Variants in NCOR1 observed in about 807,000 individuals in gnomAD.
NCOR1 encodes the protein nuclear receptor corepressor 1.
Under a neutral mutation model 288.1 loss-of-function variants are expected in NCOR1, and 63 were observed. That is an observed-to-expected ratio of 0.22 (90% CI 0.18 to 0.27). NCOR1 has a LOEUF of 0.27. NCOR1 is among the 10% of genes least tolerant of loss of function. The pLI, the probability that NCOR1 is intolerant of heterozygous loss-of-function variation, is 1.00. For synonymous variants in NCOR1, 1,007 were observed against 1,065.9 expected (o/e 0.94, Z 1.08); for missense variants, 2,397 against 3,019.2 (o/e 0.79, Z 4.83).
At chr17:16,184,332 C>G (rs1403544972) in intron 3 of NCOR1, among the ~76,000 whole-genome samples, 2 of 152,102 alleles carry the variant, frequency 1.3e-5, no homozygotes, top group African/African-American at 4.8e-5. Flanking sequence ...GAATTAATAT[C>G]CAGAATTTAT....
intron 26 of NCOR1, among the ~76,000 whole-genome samples, chr17:16,077,234 T>A (rs2062599135): frequency 6.6e-6 from 1 of 151,154 alleles, no homozygotes; most frequent in Non-Finnish European, 1.5e-5. Context: ...CCATCTCTAC[T>A]AAAAATACAA....
intron 5 of NCOR1, among the ~76,000 whole-genome samples, chr17:16,163,100 G>C (rs868391523): frequency 2.0e-4 from 31 of 152,196 alleles, no homozygotes; most frequent in Non-Finnish European, 1.5e-4. Context: ...GTATAAATCT[G>C]TGACCGCGAA....
rs116433575 is a variant in NCOR1 at position 16,144,452 on chromosome 17, A to G, written c.1083-756T>C. Among the ~76,000 whole-genome samples, 1,479 of 152,194 alleles carry G rather than the reference A, an allele frequency of 9.7e-3. 30 individuals are homozygous for G. The highest frequency in any genetic ancestry group is 0.033 in the African/African-American group (1,377 of 41,548). The stretch of plus-strand genomic sequence containing the variant: ...TTCTTTTCAACATAAAAGTTCTTTT[A>G]ACTTTTAAGTTAGTGGGTACATGTG... On this transcript the variant is annotated intron_variant, in intron 10 of 45. Transcript: ENST00000268712.
At chr17:16,063,949 T>A in intron 35 of NCOR1, 119 bp downstream of exon 35, 4 of 1,355,474 alleles carry the variant, frequency 3.0e-6, no homozygotes, top group Non-Finnish European at 4.0e-6. Flanking sequence ...TTGGGGCCTG[T>A]AATAACGTTG....
chr17:16,140,245 T>C (rs1028971031), intron 11 of NCOR1, among the ~76,000 whole-genome samples: 4 of 152,230 alleles, frequency 2.6e-5, no homozygotes, highest in African/African-American at 9.6e-5. Context: ...CTCGTCATTG[T>C]AGAAATAATG....
intron 21 of NCOR1, among the ~76,000 whole-genome samples, chr17:16,097,623 C>G (rs929545018): frequency 6.6e-6 from 1 of 152,206 alleles, no homozygotes; most frequent in South Asian, 2.1e-4. Flanking sequence ...GCTCCACACC[C>G]CTTCTGCACA....
Position 16,146,395 on chromosome 17 carries a change from G to A in NCOR1, c.1063C>T (p.Gln355Ter). The A allele has an allele frequency of 1.2e-6, 2 of 1,607,976 alleles. No individual in the cohort carries two copies. Among genetic ancestry groups the A allele is most frequent in the South Asian group, 1.1e-5 (1 of 88,956 alleles). ...ACTCACCGCTGAAATCTTTCTTGCT[G>A]TTCTCTTTGTTTTCGAATTTCTGGA... ...QFPEIRKQRE[Q>*]QERFQRVGQR... is the part of the protein sequence containing the mutation. The change falls in exon 10 of 46, where the codon CAG (glutamine) becomes TAG (stop). Residue 355 changes from glutamine (Q) to a stop codon, truncating the protein, a stop_gained. Coordinates refer to ENST00000268712, the MANE Select transcript of NCOR1 (RefSeq NM_006311.4). LOFTEE classifies it high-confidence loss of function.
intron 40 of NCOR1, among the ~76,000 whole-genome samples, chr17:16,052,917 A>C (rs2059485407): frequency 6.6e-6 from 1 of 152,262 alleles, no homozygotes; most frequent in African/African-American, 2.4e-5. Flanking sequence ...AGTAGATGTT[A>C]TCCCTAGGAT....
At position 16,087,164 on chromosome 17, in the gene NCOR1, A is replaced by G. The variant is rs771225059; in HGVS notation, c.3017-722T>C. On this transcript the variant is annotated intron_variant, in intron 22 of 45. Coordinates refer to ENST00000268712, the MANE Select transcript of NCOR1 (RefSeq NM_006311.4). ...CCAGCAGCCACTGCACAGAGGAGTG[A>G]TATTTACCTGGCGGGACACTATAGC... The G allele has an allele frequency of 1.5e-5, 19 of 1,303,244 alleles. No homozygotes were observed. In the African/African-American group the frequency reaches 2.1e-4, roughly 15 times the overall value. 80.7% of individuals were successfully genotyped at this position (1,303,244 alleles called of 1,614,324 possible).
At position 16,041,755 on chromosome 17, in the gene NCOR1, A is replaced by G. The variant is rs572063681; in HGVS notation, c.6680-1261T>C. Among the ~76,000 whole-genome samples, 9 of 144,332 alleles carry G rather than the reference A, an allele frequency of 6.2e-5. No individual in the cohort carries two copies. In the East Asian group the frequency reaches 1.1e-3, roughly 17 times the overall value. 94.7% of individuals were successfully genotyped at this position (144,332 alleles called of 152,430 possible). A position where few individuals can be genotyped will look rare whatever the true frequency, so the allele number is the denominator to read the frequency against. On this transcript the variant is annotated intron_variant, in intron 42 of 45. Transcript: ENST00000268712. Reference sequence around the variant, plus strand: ...TTAATTTATTAATTAATTTATTTTTAAGACGGAGTCTCACTCTGCCGCCCA... The same window carrying G: ...TTAATTTATTAATTAATTTATTTTTGAGACGGAGTCTCACTCTGCCGCCCA...
At chr17:16,167,592 G>A (rs746054816) in intron 4 of NCOR1, among the ~76,000 whole-genome samples, 15 of 151,928 alleles carry the variant, frequency 9.9e-5, no homozygotes, top group Non-Finnish European at 2.1e-4. Flanking sequence ...GGGCACGATG[G>A]CTCACACCTG....
At chr17:16,160,714 C>T (rs1011833115) in intron 5 of NCOR1, among the ~76,000 whole-genome samples, 1 of 152,178 alleles carries the variant, frequency 6.6e-6, no homozygotes, top group South Asian at 2.1e-4. Flanking sequence ...ATCGCTTGAA[C>T]CCAGGAGGTG....
intron 3 of NCOR1, among the ~76,000 whole-genome samples, chr17:16,182,376 A>C (rs2085656510): frequency 6.6e-6 from 1 of 152,230 alleles, no homozygotes. Context: ...TAATTGTCAT[A>C]ACTTAATCCA....
intron 41 of NCOR1, 24 bp from the exon 42 acceptor site, chr17:16,047,117 A>G: frequency 6.3e-7 from 1 of 1,599,880 alleles, no homozygotes; most frequent in Non-Finnish European, 8.5e-7. Flanking sequence ...AGTTAAGTAT[A>G]TTACAACCAC....
chr17:16,085,968 C>T (rs1376775707), intron 23 of NCOR1, among the ~76,000 whole-genome samples: 1 of 152,198 alleles, frequency 6.6e-6, no homozygotes, highest in African/African-American at 2.4e-5. Context: ...AAATATTCTA[C>T]TGTTTGAAAC....
intron 10 of NCOR1, among the ~76,000 whole-genome samples, chr17:16,145,181 G>A (rs560637915): frequency 7.9e-5 from 12 of 152,210 alleles, no homozygotes; most frequent in Non-Finnish European, 1.6e-4. Context: ...GATTGCAGAC[G>A]GAGTCTCGCT....
intron 2 of NCOR1, among the ~76,000 whole-genome samples, chr17:16,190,930 T>C (rs536074238): frequency 1.3e-4 from 20 of 152,320 alleles, no homozygotes; most frequent in African/African-American, 4.3e-4. Context: ...ATTTCCAAAC[T>C]GCAGCCATGG....
chr17:16,081,288 A>G lies in NCOR1; in HGVS notation c.3178-561T>C, dbSNP rs142443967. Among the ~76,000 whole-genome samples, 404 of 148,030 alleles carry G rather than the reference A, an allele frequency of 2.7e-3. 2 individuals are homozygous for G. Among genetic ancestry groups the G allele is most frequent in the African/African-American group, 9.2e-3 (373 of 40,544 alleles). ...AGTGGAGCAATCTCGGCTCACTGCA[A>G]CCTCCGCCTCCCAGTCTCAAGCAAT... On this transcript the variant is annotated intron_variant, in intron 23 of 45. Coordinates refer to ENST00000268712, the MANE Select transcript of NCOR1 (RefSeq NM_006311.4).
intron 18 of NCOR1, among the ~76,000 whole-genome samples, chr17:16,112,527 C>T (rs921087574): frequency 2.0e-5 from 3 of 152,134 alleles, no homozygotes; most frequent in African/African-American, 7.2e-5. Flanking sequence ...GACGGAGTCT[C>T]ACTCTGTCGC....
Sources: gnomAD v4.1 joint callset for allele counts (sites outside exome capture counted in the v4.1 genomes callset) on GRCh38, gnomAD v4.1.1 for gene constraint, MANE v1.5 for transcripts, NCBI Gene and HGNC (gene_info 2026-07-23, HGNC 2026-07-21) for gene names.